IMMP2L: variants seen among roughly 807,000 people sequenced by gnomAD.
IMMP2L encodes the protein inner mitochondrial membrane peptidase subunit 2, also known as mitochondrial inner membrane protease subunit 2.
IMMP2L carries 18 observed loss-of-function variants against 19.3 expected under a neutral mutation model. The observed-to-expected ratio is 0.93, with a 90% CI of 0.64 to 1.38. IMMP2L has a LOEUF of 1.38. Among genes scored for constraint, IMMP2L ranks in the 40% most tolerant of loss-of-function variants. The probability of loss-of-function intolerance (pLI) is 0.00; values close to 1 mark genes in which losing one functional copy is unlikely to be tolerated. For synonymous variants in IMMP2L, 76 were observed against 73.0 expected (o/e 1.04, Z -0.21); for missense variants, 233 against 218.2 (o/e 1.07, Z -0.43).
intron 5 of IMMP2L, among the ~76,000 whole-genome samples, chr7:110,718,617 T>C (rs759601851): frequency 6.6e-6 from 1 of 152,034 alleles, no homozygotes; most frequent in African/African-American, 2.4e-5. Context: ...TGGGAGGAGG[T>C]TGGCAATCGT....
At chr7:111,066,972 G>C (rs909128631) in intron 3 of IMMP2L, among the ~76,000 whole-genome samples, 20 of 152,158 alleles carry the variant, frequency 1.3e-4, no homozygotes, top group Non-Finnish European at 2.9e-5. Flanking sequence ...CCAAGACCTA[G>C]GTAAGCTCCC....
intron 3 of IMMP2L, among the ~76,000 whole-genome samples, chr7:111,152,529 G>C (rs1435979684): frequency 6.6e-6 from 1 of 152,112 alleles, no homozygotes; most frequent in Non-Finnish European, 1.5e-5. Context: ...AATTTATTAA[G>C]CATAGTATAA....
At chr7:111,414,531 A>G (rs1331368039) in intron 3 of IMMP2L, among the ~76,000 whole-genome samples, 1 of 151,910 alleles carries the variant, frequency 6.6e-6, no homozygotes, top group Non-Finnish European at 1.5e-5. Context: ...GATAGAGATG[A>G]ATAGGTAGGA....
intron 3 of IMMP2L, among the ~76,000 whole-genome samples, chr7:111,335,831 A>G (rs1386577482): frequency 1.3e-5 from 2 of 152,132 alleles, no homozygotes; most frequent in Non-Finnish European, 2.9e-5. Flanking sequence ...AGGAAAGTAT[A>G]TATTTCTACA....
At chr7:110,813,764 T>G (rs1024511698) in intron 5 of IMMP2L, among the ~76,000 whole-genome samples, 1 of 145,838 alleles carries the variant, frequency 6.9e-6, no homozygotes. Flanking sequence ...TTTTTTTACT[T>G]TCTATAAATA....
intron 2 of IMMP2L, among the ~76,000 whole-genome samples, chr7:111,499,191 G>A (rs752837506): frequency 7.2e-5 from 11 of 152,080 alleles, no homozygotes; most frequent in Admixed American, 2.0e-4. Context: ...CTCTGTTTGC[G>A]TATTTGCTGA....
chr7:110,714,660 G>A (rs751213273), intron 5 of IMMP2L, among the ~76,000 whole-genome samples: 9 of 152,028 alleles, frequency 5.9e-5, no homozygotes, highest in Non-Finnish European at 1.2e-4. Flanking sequence ...GCAGTGGTGC[G>A]ATCTCGGCTC....
At chr7:111,497,090 T>G (rs1029377112) in intron 2 of IMMP2L, among the ~76,000 whole-genome samples, 2 of 152,306 alleles carry the variant, frequency 1.3e-5, no homozygotes, top group South Asian at 4.1e-4. Flanking sequence ...ACTAGGTTGT[T>G]AATTTTTCAT....
intron 3 of IMMP2L, among the ~76,000 whole-genome samples, chr7:111,314,115 G>A (rs938795829): frequency 1.3e-5 from 2 of 152,014 alleles, no homozygotes; most frequent in Non-Finnish European, 2.9e-5. Flanking sequence ...CTGAAGAACT[G>A]AGCCAATTAA....
chr7:111,334,951 G>A (rs572503333), intron 3 of IMMP2L, among the ~76,000 whole-genome samples: 1 of 152,058 alleles, frequency 6.6e-6, no homozygotes, highest in Admixed American at 6.6e-5. Flanking sequence ...CTTTCTTGAG[G>A]CATATCACTC....
intron 4 of IMMP2L, among the ~76,000 whole-genome samples, chr7:110,944,756 A>G (rs12540274): frequency 0.45 from 67,837 of 151,588 alleles, 17,154 homozygotes; most frequent in Non-Finnish European, 0.58. Context: ...GAGACAGTTT[A>G]CTCATATACA....
chr7:110,714,296 C>G (rs1273612254), intron 5 of IMMP2L, among the ~76,000 whole-genome samples: 1 of 152,172 alleles, frequency 6.6e-6, no homozygotes, highest in African/African-American at 2.4e-5. Flanking sequence ...GGTGAATTAA[C>G]TTTTTGATAC....
chr7:110,976,222 T>C (rs905266249), intron 3 of IMMP2L, among the ~76,000 whole-genome samples: 11 of 152,082 alleles, frequency 7.2e-5, no homozygotes, highest in Non-Finnish European at 1.5e-4. Flanking sequence ...CCCTTCTCAT[T>C]ATATTCAGTC....
At chr7:110,974,227 G>A (rs1443644352) in intron 3 of IMMP2L, among the ~76,000 whole-genome samples, 3 of 152,022 alleles carry the variant, frequency 2.0e-5, no homozygotes, top group East Asian at 1.9e-4. Flanking sequence ...TCATCTGAAT[G>A]GCAGAAACTT....
intron 3 of IMMP2L, among the ~76,000 whole-genome samples, chr7:111,237,893 T>C (rs1814524519): frequency 6.6e-6 from 1 of 152,002 alleles, no homozygotes; most frequent in African/African-American, 2.4e-5. Flanking sequence ...TTTCCTGATC[T>C]GTAAAATGGT....
At chr7:111,150,743 G>A (rs1451944361) in intron 3 of IMMP2L, among the ~76,000 whole-genome samples, 5 of 152,084 alleles carry the variant, frequency 3.3e-5, no homozygotes, top group Non-Finnish European at 5.9e-5. Flanking sequence ...ACTTTATGGC[G>A]GAAAATGCAA....
chr7:110,938,709 T>C (rs781245033), intron 4 of IMMP2L, among the ~76,000 whole-genome samples: 1 of 152,082 alleles, frequency 6.6e-6, no homozygotes, highest in Non-Finnish European at 1.5e-5. Context: ...GTAACAAAAC[T>C]GCACTTTTAC....
At chr7:111,080,614 C>T (rs1447685000) in intron 3 of IMMP2L, among the ~76,000 whole-genome samples, 4 of 152,040 alleles carry the variant, frequency 2.6e-5, no homozygotes, top group Non-Finnish European at 5.9e-5. Flanking sequence ...GACTTTTTAG[C>T]TAATTGTCTA....
chr7:111,201,657 A>G (rs964333388), intron 3 of IMMP2L, among the ~76,000 whole-genome samples: 1 of 151,818 alleles, frequency 6.6e-6, no homozygotes, highest in African/African-American at 2.4e-5. Context: ...CAGGGGTTGC[A>G]GTGAGCTGAG....
Sources: allele counts gnomAD v4.1 joint callset (sites outside exome capture counted in the v4.1 genomes callset), GRCh38; gene constraint gnomAD v4.1.1; transcripts MANE v1.5; gene names NCBI Gene and HGNC (gene_info 2026-07-23, HGNC 2026-07-21).